STK3: variants seen among roughly 807,000 people sequenced by gnomAD.
STK3 encodes serine/threonine kinase 3.
Under a neutral mutation model 58.0 loss-of-function variants are expected in STK3, and 41 were observed. The ratio of observed to expected loss-of-function variants is 0.71; its 90% CI spans 0.55 to 0.92. The LOEUF (loss-of-function observed/expected upper bound fraction) is 0.92. Ranked by LOEUF, STK3 falls within the 40% of genes least tolerant of loss-of-function variation. The pLI, the probability that STK3 is intolerant of heterozygous loss-of-function variation, is 0.00. For synonymous variants in STK3, 170 were observed against 191.0 expected (o/e 0.89, Z 0.91); for missense variants, 479 against 602.7 (o/e 0.79, Z 2.15).
chr8:98,411,703 G>A (rs1328157562), intron 3 of STK3, among the ~76,000 whole-genome samples: 1 of 152,178 alleles, frequency 6.6e-6, no homozygotes, highest in Non-Finnish European at 1.5e-5. Context: ...TGTACCCAGG[G>A]GGGCGACACT....
intron 1 of STK3, among the ~76,000 whole-genome samples, chr8:98,893,516 GAAAGAAAGAAAGAA>G (rs1564087526): frequency 1.6e-5 from 2 of 123,084 alleles, no homozygotes; most frequent in African/African-American, 5.8e-5. Flanking sequence ...AAGAAAGAAA[GAAAGAAAGAAAGAA>G]AGAAAGAAAA....
intron 6 of STK3, among the ~76,000 whole-genome samples, chr8:98,640,425 T>C (rs1819936744): frequency 6.6e-6 from 1 of 152,170 alleles, no homozygotes; most frequent in Admixed American, 6.5e-5. Flanking sequence ...TATTCTTTTG[T>C]AGTTCTGTAA....
rs1453923701 is a variant in STK3, at chr8:98,893,326, T to C, written c.-78-9492A>G. ...AGTGCCTGAACCGAGGAGGTGGAGGTTGCAGTGAGGCAAGATTGCACCACT... is the reference window on the plus strand; with the variant it reads ...AGTGCCTGAACCGAGGAGGTGGAGGCTGCAGTGAGGCAAGATTGCACCACT... On this transcript the variant is annotated intron_variant, in intron 1 of 1. Coordinates refer to the STK3 transcript ENST00000519420. Among the ~76,000 whole-genome samples the C allele has an allele frequency of 2.7e-5, 4 of 150,176 alleles. No homozygotes were observed. In the East Asian group the frequency reaches 7.9e-4, roughly 30 times the overall value.
chr8:98,374,148 G>A (rs183323087), intron 2 of STK3, among the ~76,000 whole-genome samples: 3 of 152,202 alleles, frequency 2.0e-5, no homozygotes, highest in Non-Finnish European at 4.4e-5. Flanking sequence ...TGAAGGGAAC[G>A]TTTTACAGGT....
intron 2 of STK3, among the ~76,000 whole-genome samples, chr8:98,434,515 G>A (rs998097822): frequency 6.6e-6 from 1 of 152,164 alleles, no homozygotes; most frequent in African/African-American, 2.4e-5. Context: ...TGTTACATCC[G>A]GTCAATGGTG....
intron 6 of STK3, among the ~76,000 whole-genome samples, chr8:98,639,034 G>A (rs571081574): frequency 7.6e-4 from 115 of 151,862 alleles, no homozygotes; most frequent in Admixed American, 1.2e-3. Flanking sequence ...TAACAACTAC[G>A]CATAAAGCTG....
chr8:98,664,687 A>C (rs1390575156), intron 6 of STK3, among the ~76,000 whole-genome samples: 3 of 152,186 alleles, frequency 2.0e-5, no homozygotes, highest in Non-Finnish European at 4.4e-5. Context: ...ACTGAAAAGG[A>C]GATGAACTAA....
chr8:98,622,589 G>T (rs553628026), intron 6 of STK3, among the ~76,000 whole-genome samples: 1 of 152,142 alleles, frequency 6.6e-6, no homozygotes, highest in East Asian at 1.9e-4. Flanking sequence ...ATCGAGGACC[G>T]AGTTCAAGAA....
chr8:98,598,384 T>C (rs1816013608), intron 6 of STK3: 1 of 985,224 alleles, frequency 1.0e-6, no homozygotes, highest in Non-Finnish European at 1.2e-6. Flanking sequence ...CCCTCAAATA[T>C]GCATTGAACA....
intron 4 of STK3, among the ~76,000 whole-genome samples, chr8:98,731,496 G>A (rs967599055): frequency 4.6e-5 from 7 of 152,070 alleles, no homozygotes; most frequent in African/African-American, 1.7e-4. Context: ...GAGGTGGGAG[G>A]ATCACGAGGT....
intron 3 of STK3, among the ~76,000 whole-genome samples, chr8:98,836,989 A>G (rs1297742404): frequency 6.6e-6 from 1 of 152,228 alleles, no homozygotes; most frequent in African/African-American, 2.4e-5. Context: ...TCCATGTGGC[A>G]TCTGGAAAAC....
At chr8:98,664,765 G>A (rs1822213616) in intron 6 of STK3, among the ~76,000 whole-genome samples, 2 of 152,034 alleles carry the variant, frequency 1.3e-5, no homozygotes, top group Admixed American at 6.6e-5. Context: ...AATTCTCTTA[G>A]AAGTACTGCC....
Position 98,623,234 on chromosome 8 carries a change from G to C in STK3, c.685-27065C>G, listed in dbSNP as rs182495106. Among the ~76,000 whole-genome samples the C allele has an allele frequency of 9.2e-5, 14 of 151,904 alleles. No homozygotes were observed. The East Asian group carries it at 2.5e-3, about 27-fold the overall frequency. On this transcript the variant is annotated intron_variant, in intron 6 of 10. Transcript: ENST00000419617. Reference sequence around the variant, plus strand: ...GGGAAGGAAGAAAGGAAGAAAGAGAGGGGGAAAAAAGACATAAAGGAAGGA... The same window carrying C: ...GGGAAGGAAGAAAGGAAGAAAGAGACGGGGAAAAAAGACATAAAGGAAGGA...
At chr8:98,647,986 C>T (rs1473271542) in intron 6 of STK3, among the ~76,000 whole-genome samples, 2 of 152,150 alleles carry the variant, frequency 1.3e-5, no homozygotes, top group African/African-American at 4.8e-5. Flanking sequence ...CAGTATTCTA[C>T]TTGGGCTTTA....
At chr8:98,660,980 A>G (rs1355891373) in intron 6 of STK3, among the ~76,000 whole-genome samples, 2 of 151,438 alleles carry the variant, frequency 1.3e-5, no homozygotes, top group Admixed American at 6.6e-5. Flanking sequence ...TTCTTCAGGT[A>G]GAAATGAAAG....
At chr8:98,652,842 G>C (rs560538436) in intron 6 of STK3, among the ~76,000 whole-genome samples, 200 of 151,628 alleles carry the variant, frequency 1.3e-3, no homozygotes, top group African/African-American at 2.7e-3. Flanking sequence ...CAAGTCCTGA[G>C]TGACCTACAA....
At chr8:98,433,758 G>C (rs1818388465) in intron 3 of STK3, among the ~76,000 whole-genome samples, 1 of 152,152 alleles carries the variant, frequency 6.6e-6, no homozygotes, top group African/African-American at 2.4e-5. Context: ...CCTTCTATTT[G>C]GTTTCATTTC....
At chr8:98,790,509 A>T (rs1832740457) in intron 1 of STK3, among the ~76,000 whole-genome samples, 1 of 152,212 alleles carries the variant, frequency 6.6e-6, no homozygotes, top group African/African-American at 2.4e-5. Flanking sequence ...CATACAAGGG[A>T]CATACCTCAA....
intron 7 of STK3, among the ~76,000 whole-genome samples, chr8:98,591,889 A>G (rs1398177008): frequency 2.0e-5 from 3 of 152,190 alleles, no homozygotes; most frequent in African/African-American, 7.2e-5. Flanking sequence ...TACTTTGTTA[A>G]AGAAATATAA....
Sources: gnomAD v4.1 joint callset for allele counts (sites outside exome capture counted in the v4.1 genomes callset) on GRCh38, gnomAD v4.1.1 for gene constraint, MANE v1.5 for transcripts, NCBI Gene and HGNC (gene_info 2026-07-23, HGNC 2026-07-21) for gene names.